Variants in DCDC1 observed in about 807,000 individuals in gnomAD.
The protein encoded by DCDC1 is doublecortin domain containing 1, also known as doublecortin domain-containing protein 1.
DCDC1 carries 200 observed loss-of-function variants against 178.3 expected under a neutral mutation model. That is an observed-to-expected ratio of 1.12 (90% CI 1.00 to 1.26). The LOEUF is 1.26. DCDC1 is among the 50% of genes most tolerant of loss of function. The pLI, the probability that DCDC1 is intolerant of heterozygous loss-of-function variation, is 0.00. For synonymous variants in DCDC1, 690 were observed against 604.8 expected (o/e 1.14, Z -2.07); for missense variants, 1,983 against 1,749.2 (o/e 1.13, Z -2.38).
chr11:30,910,292 G>A (rs1945353691), intron 28 of DCDC1, among the ~76,000 whole-genome samples: 1 of 152,160 alleles, frequency 6.6e-6, no homozygotes, highest in Admixed American at 6.5e-5. Flanking sequence ...TTATGAATAT[G>A]ATTAAGGTAC....
rs148911771 is a variant in DCDC1, at chr11:31,156,840, T to C, written c.1222-19056A>G. Among the ~76,000 whole-genome samples, 26 of 152,334 alleles carry C rather than the reference T, an allele frequency of 1.7e-4. No homozygotes were observed. In the East Asian group the frequency reaches 3.5e-3, roughly 20 times the overall value. Reference sequence around the variant, plus strand: ...CTGTGTGAAAAAGTGAACCAATGTGTTGCCAGATGTTCCAGATTTTATGAG... The same window carrying C: ...CTGTGTGAAAAAGTGAACCAATGTGCTGCCAGATGTTCCAGATTTTATGAG... On this transcript the variant is annotated intron_variant, in intron 9 of 38. Coordinates refer to ENST00000684477, the MANE Select transcript of DCDC1 (RefSeq NM_001387274.1).
chr11:31,331,296 T>G (rs1335916511), intron 2 of DCDC1, among the ~76,000 whole-genome samples: 1 of 152,098 alleles, frequency 6.6e-6, no homozygotes, highest in African/African-American at 2.4e-5. Flanking sequence ...GATGGTGGAG[T>G]TTTCTAAATG....
rs1952577604 is a variant in DCDC1, at chr11:31,017,710, G to C, written c.2591+46759C>G. On this transcript the variant is annotated intron_variant, in intron 20 of 38. Transcript: ENST00000684477. ...TCCTCCCACCTCAGCCTCCTGAGTA[G>C]CTGGCACTACAGGCACACATGCCAC... 2.0e-5 allele frequency among the ~76,000 whole-genome samples: 3 copies of C among 151,996 alleles called. No individual in the cohort carries two copies. The South Asian group carries it at 6.2e-4, about 32-fold the overall frequency.
chr11:30,884,848 G>A (rs636063), intron 36 of DCDC1, among the ~76,000 whole-genome samples: 1,601 of 151,916 alleles, frequency 0.011, 17 homozygotes, highest in African/African-American at 0.037. Context: ...AATTGAATAA[G>A]GTAAAAGGTG....
At chr11:31,013,916 T>C (rs747269070) in intron 20 of DCDC1, among the ~76,000 whole-genome samples, 6 of 152,120 alleles carry the variant, frequency 3.9e-5, no homozygotes, top group Non-Finnish European at 7.4e-5. Flanking sequence ...GGGCAGGAAA[T>C]AGTCCAGGAG....
chr11:30,881,288 AGAG>A lies in DCDC1; in HGVS notation c.5100_5102del (p.Ser1701del), dbSNP rs774098235. On this transcript the variant is annotated inframe_deletion, in exon 37 of 39. Transcript: ENST00000684477. Reference sequence around the variant, plus strand: ...TAGCTGGGTGGGTCATTTTGAGACGAGAGGAGCAGTCTTGCAGCAGCTGAGACA... The same window carrying A: ...TAGCTGGGTGGGTCATTTTGAGACGAGAGCAGTCTTGCAGCAGCTGAGACA... 43 of 1,613,274 alleles carry A rather than the reference AGAG, an allele frequency of 2.7e-5. No homozygotes were observed. Among genetic ancestry groups the A allele is most frequent in the Non-Finnish European group, 3.6e-5 (42 of 1,179,516 alleles).
At chr11:31,105,739 C>G (rs1195442121) in intron 13 of DCDC1, among the ~76,000 whole-genome samples, 2 of 152,050 alleles carry the variant, frequency 1.3e-5, no homozygotes, top group Non-Finnish European at 2.9e-5. Flanking sequence ...TGATCCACAA[C>G]TTATTCTAGC....
At chr11:31,076,341 T>G (rs931207644) in intron 18 of DCDC1, among the ~76,000 whole-genome samples, 1 of 151,912 alleles carries the variant, frequency 6.6e-6, no homozygotes, top group African/African-American at 2.4e-5. Flanking sequence ...TTTACTTAAT[T>G]TAATTTAATT....
chr11:31,329,696 A>G (rs554112726), intron 2 of DCDC1, among the ~76,000 whole-genome samples: 1 of 152,218 alleles, frequency 6.6e-6, no homozygotes, highest in Non-Finnish European at 1.5e-5. Context: ...GATGCTTTCC[A>G]GCTTCATCCA....
At chr11:30,990,326 T>C (rs1017057173) in intron 20 of DCDC1, among the ~76,000 whole-genome samples, 1 of 152,210 alleles carries the variant, frequency 6.6e-6, no homozygotes, top group African/African-American at 2.4e-5. Context: ...GAATCATCAC[T>C]GTGGGGACTG....
At chr11:31,021,560 C>A (rs1345043508) in intron 20 of DCDC1, among the ~76,000 whole-genome samples, 1 of 152,100 alleles carries the variant, frequency 6.6e-6, no homozygotes, top group Non-Finnish European at 1.5e-5. Context: ...TTAAAAAAAT[C>A]TCTGCAAAGA....
At chr11:31,011,487 C>T (rs566288444) in intron 20 of DCDC1, among the ~76,000 whole-genome samples, 63 of 152,260 alleles carry the variant, frequency 4.1e-4, no homozygotes, top group African/African-American at 1.4e-3. Flanking sequence ...AGGAAGCCAT[C>T]ATGACCAATA....
chr11:31,102,336 A>G, intron 14 of DCDC1, 54 bp from the exon 15 acceptor site: 1 of 614,504 alleles, frequency 1.6e-6, no homozygotes, highest in Non-Finnish European at 3.0e-6. Flanking sequence ...GCATTTAATT[A>G]CAATGCCCTT....
intron 20 of DCDC1, among the ~76,000 whole-genome samples, chr11:30,982,461 CTT>C (rs1413975194): frequency 6.7e-6 from 1 of 149,752 alleles, no homozygotes; most frequent in Non-Finnish European, 1.5e-5. Context: ...TAGCAACACT[CTT>C]TTGTTTCATT....
chr11:31,151,778 T>G (rs574409281), intron 9 of DCDC1, among the ~76,000 whole-genome samples: 90 of 152,334 alleles, frequency 5.9e-4, no homozygotes, highest in Non-Finnish European at 1.0e-3. Flanking sequence ...TGCATTCAAA[T>G]GTTCCTTAAA....
At chr11:30,935,656 C>T (rs1219697894) in intron 21 of DCDC1, among the ~76,000 whole-genome samples, 7 of 151,884 alleles carry the variant, frequency 4.6e-5, no homozygotes, top group African/African-American at 1.2e-4. Flanking sequence ...CAGGTTCAAG[C>T]GATTCTCCTG....
At chr11:30,947,072 A>C (rs936439940) in intron 21 of DCDC1, among the ~76,000 whole-genome samples, 1 of 152,214 alleles carries the variant, frequency 6.6e-6, no homozygotes. Flanking sequence ...AAAAATAATC[A>C]TTGAGGATTC....
At chr11:30,944,390 A>C in intron 21 of DCDC1, 1 of 454,724 alleles carries the variant, frequency 2.2e-6, no homozygotes, top group South Asian at 1.6e-5. Flanking sequence ...TTGGAAACTT[A>C]AATCCGGTAT....
chr11:31,355,321 C>T (rs1008272405), intron 1 of DCDC1, among the ~76,000 whole-genome samples: 7 of 152,000 alleles, frequency 4.6e-5, no homozygotes, highest in South Asian at 2.1e-4. Context: ...AACATGACTA[C>T]GCTGGAAAGA....
Sources: allele counts gnomAD v4.1 joint callset (sites outside exome capture counted in the v4.1 genomes callset), GRCh38; gene constraint gnomAD v4.1.1; transcripts MANE v1.5; gene names NCBI Gene and HGNC (gene_info 2026-07-23, HGNC 2026-07-21).